TRAPPC9: variants seen among roughly 807,000 people sequenced by gnomAD.
The protein encoded by TRAPPC9 is IKK2 binding protein.
TRAPPC9 carries 83 observed loss-of-function variants against 124.0 expected under a neutral mutation model. That is an observed-to-expected ratio of 0.67 (90% CI 0.56 to 0.80). The LOEUF is 0.80. Ranked by LOEUF, TRAPPC9 falls within the 30% of genes least tolerant of loss-of-function variation. The probability of loss-of-function intolerance (pLI) is 0.00; values close to 1 mark genes in which losing one functional copy is unlikely to be tolerated. For synonymous variants in TRAPPC9, 638 were observed against 617.5 expected, an observed-to-expected ratio of 1.03 and a Z score of -0.49; for missense variants, 1,302 against 1,508.3, an observed-to-expected ratio of 0.86 and a Z score of 2.27.
chr8:139,761,759 C>T (rs972330954), intron 21 of TRAPPC9, among the ~76,000 whole-genome samples: 4 of 151,934 alleles, frequency 2.6e-5, no homozygotes, highest in South Asian at 2.1e-4. Flanking sequence ...AGGCCCGCCC[C>T]GTTCTGCTGT....
intron 21 of TRAPPC9, among the ~76,000 whole-genome samples, chr8:139,769,733 T>C (rs889446029): frequency 6.6e-6 from 1 of 152,232 alleles, no homozygotes; most frequent in African/African-American, 2.4e-5. Flanking sequence ...CTAGATCTCA[T>C]AGGTCAGAGA....
At chr8:139,740,811 G>A (rs1214265396) in intron 21 of TRAPPC9, among the ~76,000 whole-genome samples, 3 of 152,222 alleles carry the variant, frequency 2.0e-5, no homozygotes, top group South Asian at 4.1e-4. Context: ...TCCGGCTGTC[G>A]TGACCCGTGC....
chr8:139,943,211 T>C (rs1486910081), intron 19 of TRAPPC9, among the ~76,000 whole-genome samples: 2 of 152,214 alleles, frequency 1.3e-5, no homozygotes, highest in East Asian at 3.9e-4. Flanking sequence ...GGACTACAGG[T>C]GCATACCACC....
chr8:140,409,786 TAAG>T (rs796157081), intron 5 of TRAPPC9, among the ~76,000 whole-genome samples: 9 of 152,108 alleles, frequency 5.9e-5, no homozygotes, highest in South Asian at 2.1e-4. Context: ...ATTTAAAAAA[TAAG>T]AAGAAGAAAA....
At chr8:140,360,025 A>T (rs1248115521) in intron 9 of TRAPPC9, 25 bp downstream of exon 9, 1 of 1,614,106 alleles carries the variant, frequency 6.2e-7, no homozygotes, top group Non-Finnish European at 8.5e-7. Context: ...CTTGAAAAAA[A>T]ACATTGTGGT....
At chr8:140,264,366 C>A (rs182426793) in intron 15 of TRAPPC9, among the ~76,000 whole-genome samples, 1 of 152,180 alleles carries the variant, frequency 6.6e-6, no homozygotes, top group African/African-American at 2.4e-5. Flanking sequence ...GCTTCTTACA[C>A]TCTTGCTTTC....
At chr8:139,737,466 T>A (rs867017388) in intron 21 of TRAPPC9, among the ~76,000 whole-genome samples, 3 of 41,368 alleles carry the variant, frequency 7.3e-5, no homozygotes, top group African/African-American at 7.7e-5. Context: ...TCATCAGCCC[T>A]CCCCCCCCCC....
intron 18 of TRAPPC9, among the ~76,000 whole-genome samples, chr8:139,992,290 G>C (rs1328619758): frequency 6.6e-6 from 1 of 152,126 alleles, no homozygotes; most frequent in East Asian, 1.9e-4. Flanking sequence ...AATAAGTGTA[G>C]AGATGTACAG....
chr8:140,425,126 G>C (rs1233125075), intron 5 of TRAPPC9, among the ~76,000 whole-genome samples: 1 of 152,230 alleles, frequency 6.6e-6, no homozygotes, highest in African/African-American at 2.4e-5. Flanking sequence ...ACCAACGCTT[G>C]AAAGACAGAT....
chr8:140,160,431 C>T (rs560816839), intron 17 of TRAPPC9, among the ~76,000 whole-genome samples: 2,669 of 152,168 alleles, frequency 0.018, 79 homozygotes, highest in African/African-American at 0.06. Flanking sequence ...ATAAAGAAAA[C>T]GTGGCACATA....
chr8:140,228,208 A>C (rs769253083), intron 16 of TRAPPC9, among the ~76,000 whole-genome samples: 11 of 152,200 alleles, frequency 7.2e-5, no homozygotes, highest in Non-Finnish European at 1.6e-4. Context: ...AATAAACTAG[A>C]ATAAAATACA....
chr8:139,863,894 T>G (rs1208040125), intron 21 of TRAPPC9, among the ~76,000 whole-genome samples: 1 of 151,936 alleles, frequency 6.6e-6, no homozygotes, highest in Non-Finnish European at 1.5e-5. Flanking sequence ...GAAAACAGAG[T>G]GCAGGTCTGA....
intron 17 of TRAPPC9, among the ~76,000 whole-genome samples, chr8:140,058,089 C>A (rs1321844008): frequency 2.0e-5 from 3 of 152,344 alleles, no homozygotes; most frequent in African/African-American, 4.8e-5. Context: ...CTACTCTGGA[C>A]TTCTGGGACA....
At position 140,457,728 on chromosome 8, in the gene TRAPPC9, G is replaced by C; in HGVS notation, c.-100C>G. 1.0e-6 allele frequency: 1 copy of C among 995,700 alleles called. No individual in the cohort carries two copies. Among genetic ancestry groups the C allele is most frequent in the Non-Finnish European group, 1.2e-6 (1 of 836,216 alleles). The allele number at this position is 995,700 out of a possible 1,614,324, so 61.7% of individuals were successfully genotyped here. On this transcript the variant is annotated 5_prime_UTR_variant, in exon 1 of 23. Transcript: ENST00000438773. ...CTCTGCGGCCACTTCCCAGGCTCTG[G>C]GCTGGCGCTTCCTACTGGCGGCCGA...
At chr8:140,386,329 G>C (rs1406830992) in intron 7 of TRAPPC9, among the ~76,000 whole-genome samples, 1 of 152,202 alleles carries the variant, frequency 6.6e-6, no homozygotes, top group Non-Finnish European at 1.5e-5. Context: ...AAACGGGCAG[G>C]AGAAAGAAAT....
chr8:140,263,295 C>T (rs1563893316), intron 15 of TRAPPC9, among the ~76,000 whole-genome samples: 2 of 152,150 alleles, frequency 1.3e-5, no homozygotes, highest in African/African-American at 2.4e-5. Flanking sequence ...ACCATTGAGC[C>T]TCCCATTACT....
At chr8:140,233,380 G>A (rs2063649738) in intron 16 of TRAPPC9, among the ~76,000 whole-genome samples, 1 of 151,640 alleles carries the variant, frequency 6.6e-6, no homozygotes, top group South Asian at 2.1e-4. Flanking sequence ...AATTTTTTGT[G>A]TTTTTAGTAG....
chr8:140,243,425 G>A (rs1310142105), intron 16 of TRAPPC9, among the ~76,000 whole-genome samples: 2 of 152,218 alleles, frequency 1.3e-5, no homozygotes, highest in African/African-American at 4.8e-5. Context: ...GGATACAAGA[G>A]TGGGGAAAAG....
intron 17 of TRAPPC9, among the ~76,000 whole-genome samples, chr8:140,118,331 C>T (rs1431558642): frequency 6.6e-6 from 1 of 152,248 alleles, no homozygotes; most frequent in Non-Finnish European, 1.5e-5. Flanking sequence ...CCTGCCATTA[C>T]AGGTGATTAG....
Sources: gnomAD v4.1 joint callset for allele counts (sites outside exome capture counted in the v4.1 genomes callset) on GRCh38, gnomAD v4.1.1 for gene constraint, MANE v1.5 for transcripts, NCBI Gene and HGNC (gene_info 2026-07-23, HGNC 2026-07-21) for gene names.